The following WDR64 variants were observed in gnomAD, a reference collection of about 807,000 sequenced individuals.
WDR64 encodes WD repeat domain 64.
In WDR64, 112 loss-of-function variants were observed where a neutral mutation model predicts 139.3. That is an observed-to-expected ratio of 0.80 (90% confidence interval 0.69 to 0.94). WDR64 has a LOEUF of 0.94. WDR64 is among the 40% of genes least tolerant of loss of function. The pLI, the probability that WDR64 is intolerant of heterozygous loss-of-function variation, is 0.00. For missense variants in WDR64, 1,206 were observed against 1,293.1 expected (o/e 0.93, Z 1.03); for synonymous variants, 444 against 437.7 (o/e 1.01, Z -0.18).
chr1:241,745,800 T>C (rs542309038), intron 13 of WDR64, among the ~76,000 whole-genome samples: 4 of 152,224 alleles, frequency 2.6e-5, no homozygotes, highest in Non-Finnish European at 5.9e-5. Context: ...AGTGAGATTC[T>C]GACTCCCAGA....
chr1:241,683,591 T>C lies in WDR64; in HGVS notation c.729T>C (p.Asp243=), dbSNP rs1666899630. Residue 243 remains aspartate, a synonymous_variant, in exon 7 of 28, where the codon GAT becomes GAC. Transcript: ENST00000437684. The part of the protein sequence containing the change: ...LCRDDILLGD[D]GGFVNRFTVN... ...GAGATGACATCCTCTTGGGGGATGA[T>C]GGGGGTTTTGTGAACAGATTCACAG... 1 of 1,551,620 alleles carries C rather than the reference T, an allele frequency of 6.4e-7. No individual in the cohort carries two copies. Among genetic ancestry groups the C allele is most frequent in the Non-Finnish European group, 8.7e-7 (1 of 1,146,964 alleles).
Position 241,679,575 on chromosome 1 carries a change from A to G in WDR64, c.604A>G (p.Lys202Glu). Reference protein sequence around the residue: ...TERTIIVWDYKAQGSSQENYF... With the variant: ...TERTIIVWDYEAQGSSQENYF... ...AAGGACCATTATTGTCTGGGATTAT[A>G]AAGCTCAAGGGAGCAGCCAGGTATT... The change falls in exon 6 of 28, where the codon AAA (lysine) becomes GAA (glutamate). Residue 202 changes from lysine to glutamate, a missense_variant. Coordinates refer to ENST00000437684, the MANE Select transcript of WDR64 (RefSeq NM_001367482.1). 1 of 1,551,772 alleles carries G rather than the reference A, an allele frequency of 6.4e-7. No homozygotes were observed. The highest frequency in any genetic ancestry group is 8.7e-7 in the Non-Finnish European group (1 of 1,146,892).
chr1:241,691,858 C>G (rs967860146), intron 8 of WDR64, among the ~76,000 whole-genome samples: 1 of 151,800 alleles, frequency 6.6e-6, no homozygotes, highest in Non-Finnish European at 1.5e-5. Flanking sequence ...TACAAAAATA[C>G]AGAAATTAGC....
At chr1:241,700,052 C>T (rs528080808) in intron 8 of WDR64, among the ~76,000 whole-genome samples, 76 of 151,288 alleles carry the variant, frequency 5.0e-4, no homozygotes, top group African/African-American at 1.7e-3. Flanking sequence ...AAATGATGAG[C>T]GCTTGGGCTT....
rs1558465970 is a variant in WDR64, at chr1:241,675,066, CCTTCCTG to C, written c.483+321_483+327del. Among the ~76,000 whole-genome samples the C allele has an allele frequency of 1.3e-3, 136 of 101,150 alleles. 24 individuals carry two copies. Among genetic ancestry groups the C allele is most frequent in the African/African-American group, 2.1e-3 (50 of 23,766 alleles). 66.4% of individuals were successfully genotyped at this position (101,150 alleles called of 152,430 possible). The stretch of plus-strand genomic sequence containing the variant: ...TCTTTCCTTCCTTTTCTCCCTTCCT[CCTTCCTG>C]CCTCCCTCCCTTCATCCTTCCTCCC... On this transcript the variant is annotated intron_variant, in intron 4 of 27. Transcript: ENST00000437684.
chr1:241,710,611 G>A (rs1251108516), intron 8 of WDR64, among the ~76,000 whole-genome samples: 1 of 152,190 alleles, frequency 6.6e-6, no homozygotes, highest in African/African-American at 2.4e-5. Context: ...ATGGTTGTTA[G>A]TGGGGCTGGG....
rs374624595 is a variant in WDR64 at position 241,789,876 on chromosome 1, A to T, written c.2892-715A>T. Among the ~76,000 whole-genome samples the T allele has an allele frequency of 4.9e-4, 75 of 151,722 alleles. No individual in the cohort carries two copies. The South Asian group carries it at 0.015, about 31-fold the overall frequency. On this transcript the variant is annotated intron_variant, in intron 24 of 27. Coordinates refer to ENST00000437684, the MANE Select transcript of WDR64 (RefSeq NM_001367482.1). ...AACAAACCTGCACATGTACCACTGAACTTAAATAAAAGTTAAAAAAAATAG... is the reference window on the plus strand; with the variant it reads ...AACAAACCTGCACATGTACCACTGATCTTAAATAAAAGTTAAAAAAAATAG...
At chr1:241,727,660 G>A (rs1477387317) in intron 10 of WDR64, among the ~76,000 whole-genome samples, 4 of 152,190 alleles carry the variant, frequency 2.6e-5, no homozygotes, top group Non-Finnish European at 4.4e-5. Context: ...CCTGCAATGA[G>A]AAAGTTGACA....
intron 13 of WDR64, among the ~76,000 whole-genome samples, chr1:241,749,290 A>G (rs903597214): frequency 6.6e-6 from 1 of 152,328 alleles, no homozygotes; most frequent in East Asian, 1.9e-4. Flanking sequence ...GCTTAGTAGG[A>G]GAGCCTGAGG....
intron 10 of WDR64, among the ~76,000 whole-genome samples, chr1:241,737,720 A>G (rs946627215): frequency 6.6e-6 from 1 of 152,172 alleles, no homozygotes; most frequent in African/African-American, 2.4e-5. Flanking sequence ...GTTTTGCAGA[A>G]TTTGTACTTC....
rs1163926627 is a variant in WDR64, at chr1:241,728,926, G to A, written c.1194+5490G>A. On this transcript the variant is annotated intron_variant, in intron 10 of 27. Coordinates refer to ENST00000437684, the MANE Select transcript of WDR64 (RefSeq NM_001367482.1). ...CTAATTTTCGTACATTTTCACTTTG[G>A]AAGTGGTATGTAGAAACCTGAGAAA... 4.0e-5 allele frequency among the ~76,000 whole-genome samples: 6 copies of A among 151,884 alleles called. No individual in the cohort carries two copies. In the East Asian group the frequency reaches 1.2e-3, roughly 29 times the overall value.
intron 20 of WDR64, among the ~76,000 whole-genome samples, chr1:241,773,757 T>G (rs1257281207): frequency 6.6e-6 from 1 of 152,222 alleles, no homozygotes. Context: ...TGAGCCACTG[T>G]GCCCGACCGA....
intron 1 of WDR64, among the ~76,000 whole-genome samples, chr1:241,655,614 A>G (rs1665558696): frequency 1.3e-5 from 2 of 152,092 alleles, no homozygotes; most frequent in Admixed American, 1.3e-4. Context: ...CTTCTGCCCT[A>G]AAACAAACTT....
At chr1:241,731,453 G>A (rs549426157) in intron 10 of WDR64, among the ~76,000 whole-genome samples, 1 of 150,642 alleles carries the variant, frequency 6.6e-6, no homozygotes, top group South Asian at 2.1e-4. Context: ...CTATGAGATA[G>A]GTTGAGATAG....
At chr1:241,790,553 GT>G (rs767127353) in intron 24 of WDR64, 37 bp from the exon 25 acceptor site, 8 of 1,494,830 alleles carry the variant, frequency 5.4e-6, no homozygotes, top group Non-Finnish European at 6.4e-6. Flanking sequence ...AGAATAAAAG[GT>G]ATGGGTATGT....
At chr1:241,743,507 C>A (rs866449001) in intron 12 of WDR64, among the ~76,000 whole-genome samples, 1 of 152,188 alleles carries the variant, frequency 6.6e-6, no homozygotes, top group Non-Finnish European at 1.5e-5. Context: ...CACTCCCCCT[C>A]TTACCCAGCT....
chr1:241,690,475 A>G (rs1382010775), intron 8 of WDR64, among the ~76,000 whole-genome samples: 3 of 152,100 alleles, frequency 2.0e-5, no homozygotes, highest in Non-Finnish European at 4.4e-5. Context: ...TGTCAAAAAA[A>G]AAACAAAAAC....
rs72770223 is a variant in WDR64 at position 241,757,589 on chromosome 1, T to A, written c.1947+130T>A. 9.9e-3 allele frequency: 7,404 copies of A among 747,514 alleles called. 64 individuals are homozygous for A. The highest frequency in any genetic ancestry group is 0.011 in the Non-Finnish European group (5,731 of 499,372). 46.3% of individuals were successfully genotyped at this position (747,514 alleles called of 1,614,324 possible). ...ATCACTCAGCTTCGAGAACTTTCTG[T>A]ATATGACCAAACTTACTCCTTATTT... On this transcript the variant is annotated intron_variant, in intron 15 of 27. Coordinates refer to ENST00000437684, the MANE Select transcript of WDR64 (RefSeq NM_001367482.1).
intron 18 of WDR64, 99 bp downstream of exon 18, chr1:241,770,789 GTAAC>G: frequency 9.2e-7 from 1 of 1,085,550 alleles, no homozygotes; most frequent in Non-Finnish European, 1.3e-6. Context: ...TTGATAGAAG[GTAAC>G]AGTGGAAGAA....
Sources: gnomAD v4.1 joint callset for allele counts (sites outside exome capture counted in the v4.1 genomes callset) on GRCh38, gnomAD v4.1.1 for gene constraint, MANE v1.5 for transcripts, NCBI Gene and HGNC (gene_info 2026-07-23, HGNC 2026-07-21) for gene names.